Variants in VPS16 observed in about 807,000 individuals in gnomAD.
VPS16 encodes vacuolar protein sorting-associated protein 16 homolog.
Under a neutral mutation model 116.0 loss-of-function variants are expected in VPS16, and 82 were observed. The observed-to-expected ratio is 0.71, with a 90% CI of 0.59 to 0.85. VPS16 has a LOEUF of 0.85. VPS16 is among the 40% of genes least tolerant of loss of function. VPS16 has a pLI of 0.00. For synonymous variants in VPS16, 406 were observed against 420.7 expected, an observed-to-expected ratio of 0.96 and a Z score of 0.43; for missense variants, 928 against 1,090.6, an observed-to-expected ratio of 0.85 and a Z score of 2.10.
At chr20:2,848,947 G>A (rs1288319975) in intron 1 of VPS16, among the ~76,000 whole-genome samples, 1 of 152,154 alleles carries the variant, frequency 6.6e-6, no homozygotes, top group African/African-American at 2.4e-5. Context: ...TTGGGGTCAC[G>A]TATTGTCTTT....
At chr20:2,851,438 G>A (rs887008370) in intron 1 of VPS16, among the ~76,000 whole-genome samples, 14 of 152,018 alleles carry the variant, frequency 9.2e-5, no homozygotes, top group Admixed American at 7.2e-4. Context: ...GAGAAACCCC[G>A]TCTCTACTAA....
chr20:2,860,964 C>T lies in VPS16; in HGVS notation c.631-6C>T. 1 of 1,614,152 alleles carries T rather than the reference C, an allele frequency of 6.2e-7. No individual in the cohort carries two copies. Among genetic ancestry groups the T allele is most frequent in the Non-Finnish European group, 8.5e-7 (1 of 1,180,044 alleles). On this transcript the variant is annotated splice_region_variant and splice_polypyrimidine_tract_variant and intron_variant, in intron 6 of 23. Coordinates refer to ENST00000380445, the MANE Select transcript of VPS16 (RefSeq NM_022575.4). This position sits in a 1 kb window ranked among gnomAD's most constrained non-coding sequence, Gnocchi z 6.1. ...CTGTCCCACCCCTACCCTGGCTCTG[C>T]CTCAGACGCCCCCTGGCCTGGCCCC...
At chr20:2,862,198 C>T in intron 11 of VPS16, 68 bp downstream of exon 11, 2 of 1,537,066 alleles carry the variant, frequency 1.3e-6, no homozygotes, top group Non-Finnish European at 1.8e-6. Context: ...CATGTGTGAG[C>T]ATAGCCAGGT....
At chr20:2,866,133 A>G in intron 22 of VPS16, 79 bp from the exon 23 acceptor site, 1 of 1,273,436 alleles carries the variant, frequency 7.9e-7, no homozygotes, top group Non-Finnish European at 1.1e-6. Flanking sequence ...CGATGTATGC[A>G]TTGCGCCTCT....
intron 1 of VPS16, among the ~76,000 whole-genome samples, chr20:2,844,540 G>A (rs1267259914): frequency 1.3e-5 from 2 of 152,222 alleles, no homozygotes; most frequent in African/African-American, 4.8e-5. Context: ...AGATGTGGAA[G>A]AGTTCTGCCT....
chr20:2,850,667 A>C (rs542291717), intron 1 of VPS16, among the ~76,000 whole-genome samples: 1 of 152,004 alleles, frequency 6.6e-6, no homozygotes, highest in Non-Finnish European at 1.5e-5. Flanking sequence ...TTTAACTGTG[A>C]TAAAGGAGTA....
rs920399514 is a variant in VPS16 at position 2,863,156 on chromosome 20, C to T, written c.1367+56C>T. On this transcript the variant is annotated intron_variant, in intron 14 of 23. Transcript: ENST00000380445. The surrounding 1 kb of genome is among the most constrained non-coding windows in gnomAD (Gnocchi z 4.4). ...GCTGTCAGGGGGGTGGGCATTACAG[C>T]CTTGGGTGGGGTCTTATGGTCACTG... is the stretch of plus-strand genomic sequence containing the variant. 1 of 1,612,968 alleles carries T rather than the reference C, an allele frequency of 6.2e-7. No homozygotes were observed. Among genetic ancestry groups the T allele is most frequent in the African/African-American group, 1.3e-5 (1 of 74,756 alleles).
intron 1 of VPS16, among the ~76,000 whole-genome samples, chr20:2,845,596 AAG>A (rs1223309030): frequency 3.9e-5 from 6 of 152,210 alleles, no homozygotes; most frequent in African/African-American, 1.2e-4. Context: ...GAAAAAAAAA[AAG>A]AACATTTTAA....
In VPS16 at chr20:2,863,404, G is replaced by C. The variant is rs1265079019; in HGVS notation, c.1476+6G>C. On this transcript the variant is annotated splice_donor_region_variant and intron_variant, in intron 15 of 23. Coordinates refer to ENST00000380445, the MANE Select transcript of VPS16 (RefSeq NM_022575.4). The surrounding 1 kb of genome is among the most constrained non-coding windows in gnomAD (Gnocchi z 4.4). ...CCCACTGGGCCTGCTACAAGGCAAG[G>C]ATGTGGGATGGGGTCCAAGGGCATT... is the stretch of plus-strand genomic sequence containing the variant. 1.9e-6 allele frequency: 3 copies of C among 1,613,872 alleles called. No individual in the cohort carries two copies. The South Asian group carries it at 3.3e-5, about 18-fold the overall frequency.
At chr20:2,856,502 G>C (rs1439996535) in intron 1 of VPS16, among the ~76,000 whole-genome samples, 2 of 152,196 alleles carry the variant, frequency 1.3e-5, no homozygotes. Flanking sequence ...TTTGTAAAAA[G>C]TACAGTAAAG....
chr20:2,842,827 C>CT (rs1568620950), intron 1 of VPS16, among the ~76,000 whole-genome samples: 14 of 576 alleles, frequency 0.024, no homozygotes, highest in South Asian at 0.17. Context: ...TATAGATAGA[C>CT]ATATAGATGT....
chr20:2,862,333 T>C, intron 11 of VPS16: 3 of 977,656 alleles, frequency 3.1e-6, no homozygotes, highest in Non-Finnish European at 4.4e-6. Flanking sequence ...GCATCCCCAC[T>C]ATCCCCACCC....
chr20:2,863,136 CA>C lies in VPS16; in HGVS notation c.1367+37del, dbSNP rs778977058. On this transcript the variant is annotated intron_variant, in intron 14 of 23. Coordinates refer to ENST00000380445, the MANE Select transcript of VPS16 (RefSeq NM_022575.4). The surrounding 1 kb of genome is among the most constrained non-coding windows in gnomAD (Gnocchi z 4.4). ...CCCAAGGGTGCAGTGAGCGGGCTGT[CA>C]GGGGGGTGGGCATTACAGCCTTGGG... 3.1e-6 allele frequency: 5 copies of C among 1,613,274 alleles called. No homozygotes were observed. The East Asian group carries it at 6.7e-5, about 22-fold the overall frequency.
At chr20:2,853,497 T>C (rs892672445) in intron 1 of VPS16, among the ~76,000 whole-genome samples, 1 of 152,208 alleles carries the variant, frequency 6.6e-6, no homozygotes, top group Non-Finnish European at 1.5e-5. Flanking sequence ...CAGTCACATC[T>C]TCAGGCCTCA....
At chr20:2,862,765 C>T (rs781506736) in intron 12 of VPS16, 42 bp from the exon 13 acceptor site, 1 of 1,612,590 alleles carries the variant, frequency 6.2e-7, no homozygotes, top group Admixed American at 1.7e-5. Flanking sequence ...GTGGGATGGG[C>T]AGCAGGGAAG....
chr20:2,852,033 C>G (rs552619907), intron 1 of VPS16, among the ~76,000 whole-genome samples: 1 of 152,164 alleles, frequency 6.6e-6, no homozygotes, highest in African/African-American at 2.4e-5. Context: ...AGTGCACAGG[C>G]AGGATGCAGC....
rs149911458 is a variant in VPS16, at chr20:2,865,171, C to G, written c.2028C>G (p.Leu676=). The G allele has an allele frequency of 1.2e-6, 2 of 1,614,176 alleles. No individual in the cohort carries two copies. Among genetic ancestry groups the G allele is most frequent in the East Asian group, 4.5e-5 (2 of 44,880 alleles). The stretch of plus-strand genomic sequence containing the variant: ...AGGCTACAGAGGATCAAATGCGGCT[C>G]CTACGGCTGCAGCGGCGCCTAGAAG... ...AAKATEDQMR[L]LRLQRRLEDE... Residue 676 remains leucine, a synonymous_variant, in exon 21 of 24, where the codon CTC becomes CTG. Coordinates refer to ENST00000380445, the MANE Select transcript of VPS16 (RefSeq NM_022575.4). This position sits in a 1 kb window ranked among gnomAD's most constrained non-coding sequence, Gnocchi z 5.2.
Position 2,861,860 on chromosome 20 carries a change from T to C in VPS16, c.955T>C (p.Phe319Leu). The C allele has an allele frequency of 6.2e-7, 1 of 1,613,906 alleles. No homozygotes were observed. The highest frequency in any genetic ancestry group is 8.5e-7 in the Non-Finnish European group (1 of 1,179,946). The change falls in exon 10 of 24, where the codon TTC becomes CTC. Residue 319 changes from phenylalanine (F) to leucine (L), a missense_variant. Transcript: ENST00000380445. Reference sequence around the variant, plus strand: ...GCCTGAGCTCGATGGGGTCCGCATCTTCTCCCGCAGCACCCACGAGTTCCT... The same window carrying C: ...GCCTGAGCTCGATGGGGTCCGCATCCTCTCCCGCAGCACCCACGAGTTCCT... ...LVPELDGVRI[F>L]SRSTHEFLHE...
chr20:2,840,876 C>T, intron 1 of VPS16, 49 bp downstream of exon 1: 7 of 1,523,608 alleles, frequency 4.6e-6, no homozygotes, highest in Non-Finnish European at 6.2e-6. Context: ...CCTGCTCGCC[C>T]GCCGGCTGGA....
Sources: gnomAD v4.1 joint callset for allele counts (sites outside exome capture counted in the v4.1 genomes callset) on GRCh38, gnomAD v4.1.1 for gene constraint, Gnocchi (gnomAD v3.1) non-coding constraint, MANE v1.5 for transcripts, NCBI Gene and HGNC (gene_info 2026-07-23, HGNC 2026-07-21) for gene names.